CDC25B: variants seen among roughly 807,000 people sequenced by gnomAD.
CDC25B encodes M-phase inducer phosphatase 2.
Under a neutral mutation model 69.8 loss-of-function variants are expected in CDC25B, and 33 were observed. The observed-to-expected ratio is 0.47, with a 90% CI of 0.36 to 0.63. CDC25B has a LOEUF of 0.63. Among genes scored for constraint, CDC25B ranks in the 30% least tolerant of loss-of-function variants. The probability of loss-of-function intolerance (pLI) is 0.00; values close to 1 mark genes in which losing one functional copy is unlikely to be tolerated. For missense variants in CDC25B, 727 were observed against 809.1 expected, an observed-to-expected ratio of 0.90 and a Z score of 1.23; for synonymous variants, 341 against 314.6, an observed-to-expected ratio of 1.08 and a Z score of -0.89.
chr20:3,800,410 G>T lies in CDC25B; in HGVS notation c.423-52G>T, dbSNP rs1354704752. 3.1e-6 allele frequency: 5 copies of T among 1,612,112 alleles called. No homozygotes were observed. In the African/African-American group the frequency reaches 5.3e-5, roughly 17 times the overall value. ...CCAGAAGGGCATGCTGCATGCTCTT[G>T]GTCCCTGCCCTGCCTCTCCCAGCTC... On this transcript the variant is annotated intron_variant, in intron 4 of 15. Transcript: ENST00000245960.
Position 3,801,739 on chromosome 20 carries a change from C to T in CDC25B, c.858C>T (p.Pro286=), listed in dbSNP as rs2089289706. The T allele has an allele frequency of 6.2e-7, 1 of 1,604,680 alleles. No homozygotes were observed. Among genetic ancestry groups the T allele is most frequent in the Non-Finnish European group, 8.5e-7 (1 of 1,176,330 alleles). The change falls in exon 9 of 16, where the codon CCC becomes CCT. Residue 286 remains proline, a synonymous_variant. Transcript: ENST00000245960. ...GGCCTCAGGATGATGATGCAGTTCC[C>T]CCAGGCATGGAGAGTCTCATTAGTG... The part of the protein sequence containing the change: ...ESDLKDDDAV[P]PGMESLISAP...
upstream of CDC25B, among the ~76,000 whole-genome samples, chr20:3,795,372 C>CA (rs758801099): frequency 0.01 from 918 of 91,290 alleles, 8 homozygotes; most frequent in African/African-American, 0.034. Context: ...AAAAACAAAA[C>CA]AAAACAAAAA....
At chr20:3,801,860 C>T in intron 9 of CDC25B, 58 bp downstream of exon 9, 2 of 1,583,908 alleles carry the variant, frequency 1.3e-6, no homozygotes, top group South Asian at 1.2e-5. Context: ...TCCTACTCTC[C>T]AGTGGATTTG....
Position 3,801,014 on chromosome 20 carries a change from G to A in CDC25B, c.626G>A (p.Ser209Asn). Residue 209 changes from serine to asparagine, a missense_variant, in exon 7 of 16, where the codon AGC (serine) becomes AAC (asparagine). Ser to Asn is a conservative substitution (Grantham distance 46). Around this residue, in one of 2 missense-constraint regions of CDC25B, gnomAD observed 368 missense variants for 345.6 expected, o/e 1.06. Coordinates refer to ENST00000245960, the MANE Select transcript of CDC25B (RefSeq NM_021873.4). ...FKMPWKPTHP[S>N]STHALAEWAS... ...ATGCCATGGAAGCCCACACATCCCA[G>A]CTCCACCCATGCTCTGGCAGAGTGG... is the stretch of plus-strand genomic sequence containing the variant. 1 of 1,614,020 alleles carries A rather than the reference G, an allele frequency of 6.2e-7. No homozygotes were observed. The highest frequency in any genetic ancestry group is 8.5e-7 in the Non-Finnish European group (1 of 1,179,880).
chr20:3,795,797 C>T (rs1298881289), upstream of CDC25B: 1 of 985,414 alleles, frequency 1.0e-6, no homozygotes, highest in Non-Finnish European at 1.2e-6. Flanking sequence ...TCAGAGGCGC[C>T]TGGAGCGAGC....
chr20:3,802,537 C>G (rs1018538966), intron 11 of CDC25B, among the ~76,000 whole-genome samples, 161 bp downstream of exon 11: 4 of 152,182 alleles, frequency 2.6e-5, no homozygotes, highest in Non-Finnish European at 5.9e-5. Context: ...AGACTCCTCC[C>G]TCTGGCCCTC....
chr20:3,790,025 G>A (rs963103536), intron 1 of CDC25B, among the ~76,000 whole-genome samples: 4 of 151,888 alleles, frequency 2.6e-5, no homozygotes, highest in Non-Finnish European at 4.4e-5. Context: ...AGTGCCTTGC[G>A]CCTGTAGTCC....
In CDC25B at chr20:3,801,946, G is replaced by A; in HGVS notation, c.944G>A (p.Cys315Tyr). The A allele has an allele frequency of 1.2e-6, 2 of 1,612,462 alleles. No homozygotes were observed. Among genetic ancestry groups the A allele is most frequent in the Non-Finnish European group, 1.7e-6 (2 of 1,179,186 alleles). Residue 315 changes from cysteine to tyrosine, a missense_variant, in exon 10 of 16, where the codon TGC becomes TAC. Cys to Tyr is a radical substitution (Grantham distance 194, BLOSUM62 -2). Transcript: ENST00000245960. ...EEKDLVMYSK[C>Y]QRLFRSPSMP... ...CAGGACCTCGTCATGTACAGCAAGT[G>A]CCAGCGGCTCTTCCGCTCTCCGTCC...
chr20:3,798,508 T>C, intron 3 of CDC25B, 45 bp downstream of exon 3: 1 of 1,425,702 alleles, frequency 7.0e-7, no homozygotes, highest in Non-Finnish European at 9.7e-7. Flanking sequence ...TCAGCACCTG[T>C]CTTTAAGAAT....
chr20:3,802,822 T>C (rs892383694), intron 11 of CDC25B, 88 bp from the exon 12 acceptor site: 2 of 1,124,242 alleles, frequency 1.8e-6, no homozygotes, highest in Admixed American at 1.9e-5. Context: ...TGGCCTCTGA[T>C]TTTGGGAATG....
In CDC25B at chr20:3,800,761, AG is replaced by A; in HGVS notation, c.479del (p.Ser160ThrfsTer75). The A allele has an allele frequency of 6.2e-7, 1 of 1,610,274 alleles. No homozygotes were observed. Among genetic ancestry groups the A allele is most frequent in the Non-Finnish European group, 8.5e-7 (1 of 1,180,000 alleles). On this transcript the variant is annotated frameshift_variant, in exon 6 of 16. Coordinates refer to ENST00000245960, the MANE Select transcript of CDC25B (RefSeq NM_021873.4). LOFTEE classifies it high-confidence loss of function. Reference sequence around the variant, plus strand: ...TCTCTAGGTGAGGCTGCTGGGCCACAGCCCCGTGCTTCGGAACATCACCAAC... The same window carrying A: ...TCTCTAGGTGAGGCTGCTGGGCCACACCCCGTGCTTCGGAACATCACCAAC... ...QSMPVRLLGH[S>X]PVLRNITNSQ...
chr20:3,794,144 T>A (rs1338057013), upstream of CDC25B, among the ~76,000 whole-genome samples: 2 of 150,750 alleles, frequency 1.3e-5, no homozygotes, highest in Non-Finnish European at 2.9e-5. Flanking sequence ...AAATGGTATT[T>A]CTAGTTCTAG....
intron 3 of CDC25B, among the ~76,000 whole-genome samples, chr20:3,798,804 A>AT (rs1568505219): frequency 6.6e-6 from 1 of 151,920 alleles, no homozygotes; most frequent in Non-Finnish European, 1.5e-5. Context: ...GCCTATACCC[A>AT]TTTTTTTCTG....
upstream of CDC25B, among the ~76,000 whole-genome samples, chr20:3,795,382 AG>A (rs60069338): frequency 0.017 from 398 of 23,856 alleles, 2 homozygotes; most frequent in African/African-American, 0.048. Context: ...CAAAACAAAA[AG>A]AAAGATAATT....
rs150889619 is a variant in CDC25B, at chr20:3,789,064, C to T, written c.8+1925C>T. 5.9e-4 allele frequency among the ~76,000 whole-genome samples: 90 copies of T among 152,316 alleles called. 1 individual carries two copies. Among genetic ancestry groups the T allele is most frequent in the African/African-American group, 2.1e-3 (86 of 41,564 alleles). On this transcript the variant is annotated intron_variant, in intron 1 of 15. Transcript: ENST00000344256. The stretch of plus-strand genomic sequence containing the variant: ...CACGGGGCCCATTTCCATCCCCTCT[C>T]AAGTGACCATTTCCCCCAGCAATCC...
rs11569983 is a variant in CDC25B, at chr20:3,797,778, T to C, written c.328+29T>C. On this transcript the variant is annotated intron_variant, in intron 2 of 15. Coordinates refer to ENST00000245960, the MANE Select transcript of CDC25B (RefSeq NM_021873.4). ...AGGCCCAGGGGAGCCTGGGGAGATC[T>C]GCCTGTGTCAGGAGAGTTTGTGGGG... 3.9e-4 allele frequency: 625 copies of C among 1,612,390 alleles called. 3 individuals carry two copies. The African/African-American group carries it at 7.3e-3, about 19-fold the overall frequency.
At chr20:3,801,670 G>A in intron 8 of CDC25B, 52 bp from the exon 9 acceptor site, 2 of 1,422,534 alleles carry the variant, frequency 1.4e-6, no homozygotes, top group Non-Finnish European at 1.9e-6. Flanking sequence ...GACTGGAGGG[G>A]TTTGGCCTAT....
upstream of CDC25B, among the ~76,000 whole-genome samples, chr20:3,793,844 C>T (rs188918657): frequency 1.8e-4 from 27 of 148,228 alleles, no homozygotes; most frequent in East Asian, 4.2e-3. Context: ...GTAGAATATG[C>T]GGTGTTTGGT....
At chr20:3,800,649 G>T (rs2089243426) in intron 5 of CDC25B, 94 bp from the exon 6 acceptor site, 2 of 1,592,854 alleles carry the variant, frequency 1.3e-6, no homozygotes, top group Non-Finnish European at 1.7e-6. Flanking sequence ...TAAGTGGGAG[G>T]AGCTGGAGGA....
Sources: allele counts gnomAD v4.1 joint callset (sites outside exome capture counted in the v4.1 genomes callset), GRCh38; gene constraint gnomAD v4.1.1; regional missense constraint gnomAD v4.1.1; transcripts MANE v1.5; gene names NCBI Gene and HGNC (gene_info 2026-07-23, HGNC 2026-07-21).